Variants in C14orf132 observed in about 807,000 individuals in gnomAD.
C14orf132 encodes the protein chromosome 14 open reading frame 132.
A neutral mutation model predicts 5.8 loss-of-function variants in C14orf132; 6 were observed. The ratio of observed to expected loss-of-function variants is 1.03; its 90% CI spans 0.57 to 2.04. The LOEUF is 2.04. C14orf132 is among the 30% of genes most tolerant of loss of function. The pLI, the probability that C14orf132 is intolerant of heterozygous loss-of-function variation, is 0.00. For missense variants in C14orf132, 125 were observed against 115.8 expected (o/e 1.08, Z -0.37); for synonymous variants, 51 against 49.8 (o/e 1.02, Z -0.10).
intron 1 of C14orf132, among the ~76,000 whole-genome samples, chr14:96,081,730 C>T (rs1566835833): frequency 6.6e-6 from 1 of 152,076 alleles, no homozygotes; most frequent in Non-Finnish European, 1.5e-5. Context: ...TCCCTAGTAG[C>T]TGGGACCACA....
intron 1 of C14orf132, among the ~76,000 whole-genome samples, chr14:96,064,730 C>T (rs571267214): frequency 7.2e-5 from 11 of 151,968 alleles, no homozygotes; most frequent in Middle Eastern, 3.4e-3. Flanking sequence ...GTCTACTGCT[C>T]GGGTGATGAG....
At chr14:96,083,889 T>C (rs1595192735) in intron 1 of C14orf132, among the ~76,000 whole-genome samples, 1 of 152,172 alleles carries the variant, frequency 6.6e-6, no homozygotes, top group East Asian at 1.9e-4. Context: ...CTGGAGGGCA[T>C]CACCCTGACC....
At chr14:96,076,061 G>T (rs1595187341) in intron 1 of C14orf132, among the ~76,000 whole-genome samples, 1 of 152,204 alleles carries the variant, frequency 6.6e-6, no homozygotes, top group East Asian at 1.9e-4. Context: ...TTTCCCAGAA[G>T]ATTTTTAACC....
intron 1 of C14orf132, among the ~76,000 whole-genome samples, chr14:96,056,514 G>C (rs1227060409): frequency 6.6e-6 from 1 of 152,182 alleles, no homozygotes; most frequent in East Asian, 1.9e-4. Context: ...TCCCGAGTTT[G>C]AAACCAGCTG....
Position 96,044,628 on chromosome 14 carries a change from G to A in C14orf132, c.27+5101G>A, listed in dbSNP as rs574304224. Among the ~76,000 whole-genome samples the A allele has an allele frequency of 2.0e-5, 3 of 152,266 alleles. No individual in the cohort carries two copies. In the East Asian group the frequency reaches 5.8e-4, roughly 29 times the overall value. On this transcript the variant is annotated intron_variant, in intron 1 of 1. Transcript: ENST00000555004. ...AAGTCCACAATCCAGGTGTCAGCAG[G>A]GCCAAAGTAGTCTCTCTGAAGGTGC...
chr14:96,070,830 G>A (rs969067722), intron 1 of C14orf132, among the ~76,000 whole-genome samples: 1 of 152,020 alleles, frequency 6.6e-6, no homozygotes, highest in Non-Finnish European at 1.5e-5. Flanking sequence ...GTCCTCATGG[G>A]GTGCACCTGC....
intron 1 of C14orf132, among the ~76,000 whole-genome samples, chr14:96,074,901 TC>T (rs1184191897): frequency 6.6e-6 from 1 of 152,148 alleles, no homozygotes; most frequent in Non-Finnish European, 1.5e-5. Context: ...TTATGCTTAG[TC>T]CTTTGCCTTT....
intron 1 of C14orf132, among the ~76,000 whole-genome samples, chr14:96,054,006 C>G (rs1468135705): frequency 6.6e-6 from 1 of 151,994 alleles, no homozygotes; most frequent in Non-Finnish European, 1.5e-5. Context: ...TAGGGCCTGG[C>G]TGGTGGAAGG....
chr14:96,091,232 G>C lies in C14orf132; in HGVS notation c.*4497G>C. 1 of 357,050 alleles carries C rather than the reference G, an allele frequency of 2.8e-6. No homozygotes were observed. The highest frequency in any genetic ancestry group is 2.1e-5 in the South Asian group (1 of 46,730). The allele number at this position is 357,050 out of a possible 1,614,324, so 22.1% of individuals were successfully genotyped here. ...CATCTCGGGATATGAGGCCTCGGAG[G>C]CTGGGGTTGAGATTTGGTCCTGAAG... On this transcript the variant is annotated 3_prime_UTR_variant, in exon 2 of 2. Transcript: ENST00000555004.
intron 1 of C14orf132, among the ~76,000 whole-genome samples, chr14:96,078,900 C>T (rs79049496): frequency 0.22 from 33,458 of 152,262 alleles, 4,025 homozygotes; most frequent in Non-Finnish European, 0.27. Context: ...GTGCTTTCCA[C>T]CCTTTGCTGA....
chr14:96,046,777 G>A (rs187042927), intron 1 of C14orf132, among the ~76,000 whole-genome samples: 23 of 152,298 alleles, frequency 1.5e-4, no homozygotes, highest in Admixed American at 9.8e-4. Context: ...CTAAAGAGAA[G>A]GTCCCCCAGG....
chr14:96,051,883 A>T (rs532036066), intron 1 of C14orf132, among the ~76,000 whole-genome samples: 18 of 152,250 alleles, frequency 1.2e-4, no homozygotes, highest in African/African-American at 4.3e-4. Flanking sequence ...GAGAGCACAC[A>T]TTGCATACAG....
At chr14:96,055,374 G>T (rs905056526) in intron 1 of C14orf132, among the ~76,000 whole-genome samples, 3 of 152,152 alleles carry the variant, frequency 2.0e-5, no homozygotes, top group African/African-American at 7.2e-5. Flanking sequence ...TGTGCCCTCT[G>T]CCCCAGAGGG....
Position 96,064,427 on chromosome 14 carries a change from C to G in C14orf132, c.28-22084C>G, listed in dbSNP as rs4905424. Among the ~76,000 whole-genome samples the G allele has an allele frequency of 1.8e-4, 27 of 147,748 alleles. No individual in the cohort carries two copies. In the East Asian group the frequency reaches 5.1e-3, roughly 28 times the overall value. On this transcript the variant is annotated intron_variant, in intron 1 of 1. Coordinates refer to ENST00000555004, the MANE Select transcript of C14orf132 (RefSeq NM_001252507.3). Reference sequence around the variant, plus strand: ...ATATGTATATATATACACATATATACACATATATATGTGTATATATATGTG... The same window carrying G: ...ATATGTATATATATACACATATATAGACATATATATGTGTATATATATGTG...
At chr14:96,070,963 T>C (rs573001094) in intron 1 of C14orf132, among the ~76,000 whole-genome samples, 51 of 152,328 alleles carry the variant, frequency 3.3e-4, no homozygotes, top group Non-Finnish European at 7.3e-5. Context: ...CAGAGACCGC[T>C]GAGCTCACTC....
chr14:96,049,653 T>TAGAGAGAG (rs1555384130), intron 1 of C14orf132, among the ~76,000 whole-genome samples: 985 of 82,280 alleles, frequency 0.012, 148 homozygotes, highest in East Asian at 0.085. Context: ...TATATATATA[T>TAGAGAGAG]AGAGAGAGAG....
chr14:96,057,228 G>A (rs1887211166), intron 1 of C14orf132, among the ~76,000 whole-genome samples: 1 of 152,166 alleles, frequency 6.6e-6, no homozygotes, highest in African/African-American at 2.4e-5. Context: ...CATCTAAAAG[G>A]CCTTGAGGCG....
intron 1 of C14orf132, among the ~76,000 whole-genome samples, chr14:96,055,281 A>C (rs988146858): frequency 1.3e-5 from 2 of 151,750 alleles, no homozygotes; most frequent in Non-Finnish European, 2.9e-5. Context: ...AGAAAATCCC[A>C]CTCTTTTCAG....
rs1888451967 is a variant in C14orf132 at position 96,092,655 on chromosome 14, A to G, written c.*5920A>G. Reference sequence around the variant, plus strand: ...ATATGCTGGCAGAAGGGAGCTTCCAACCTTTTAACTTGAGGAAAATGAATC... The same window carrying G: ...ATATGCTGGCAGAAGGGAGCTTCCAGCCTTTTAACTTGAGGAAAATGAATC... On this transcript the variant is annotated 3_prime_UTR_variant, in exon 2 of 2. Coordinates refer to ENST00000555004, the MANE Select transcript of C14orf132 (RefSeq NM_001252507.3). The G allele has an allele frequency of 6.6e-6, 1 of 152,144 alleles. No individual in the cohort carries two copies. The highest frequency in any genetic ancestry group is 1.5e-5 in the Non-Finnish European group (1 of 68,032). The allele number at this position is 152,144 out of a possible 1,614,324, so 9.4% of individuals were successfully genotyped here.
Sources: gnomAD v4.1 joint callset for allele counts (sites outside exome capture counted in the v4.1 genomes callset) on GRCh38, gnomAD v4.1.1 for gene constraint, MANE v1.5 for transcripts, NCBI Gene and HGNC (gene_info 2026-07-23, HGNC 2026-07-21) for gene names.